GSTCD: variants seen among roughly 807,000 people sequenced by gnomAD.
GSTCD encodes glutathione S-transferase C-terminal domain containing.
Under a neutral mutation model 68.3 loss-of-function variants are expected in GSTCD, and 44 were observed. The ratio of observed to expected loss-of-function variants is 0.64; its 90% confidence interval spans 0.51 to 0.83. The LOEUF (loss-of-function observed/expected upper bound fraction) is 0.83, where lower values mean the gene tolerates loss of function less well. GSTCD is among the 40% of genes least tolerant of loss of function. The pLI is 0.00. For missense variants in GSTCD, 739 were observed against 735.9 expected (o/e 1.00, Z -0.05); for synonymous variants, 273 against 255.2 (o/e 1.07, Z -0.67).
chr4:105,829,439 T>C lies in GSTCD; in HGVS notation c.1530+3639T>C, dbSNP rs920472495. Among the ~76,000 whole-genome samples, 4 of 152,154 alleles carry C rather than the reference T, an allele frequency of 2.6e-5. No homozygotes were observed. In the South Asian group the frequency reaches 8.3e-4, roughly 32 times the overall value. On this transcript the variant is annotated intron_variant, in intron 8 of 11. Coordinates refer to ENST00000515279, the MANE Select transcript of GSTCD (RefSeq NM_001370181.1). Reference sequence around the variant, plus strand: ...GACATACCCAAGACTGGGTAATTTATAAAGAAAAGAGGTTTAATTGATTCA... The same window carrying C: ...GACATACCCAAGACTGGGTAATTTACAAAGAAAAGAGGTTTAATTGATTCA...
At position 105,780,539 on chromosome 4, in the gene GSTCD, T is replaced by C. The variant is rs182644894; in HGVS notation, c.1241-42415T>C. Among the ~76,000 whole-genome samples, 827 of 152,338 alleles carry C rather than the reference T, an allele frequency of 5.4e-3. 3 individuals are homozygous for C. Among genetic ancestry groups the C allele is most frequent in the Non-Finnish European group, 8.9e-3 (608 of 68,026 alleles). On this transcript the variant is annotated intron_variant, in intron 5 of 11. Coordinates refer to ENST00000515279, the MANE Select transcript of GSTCD (RefSeq NM_001370181.1). ...TGAACAGAATGAATGGATGAAATAT[T>C]TGAGCATGTCATTATGAGGATATCT...
intron 5 of GSTCD, among the ~76,000 whole-genome samples, chr4:105,782,929 A>G (rs956325222): frequency 6.6e-6 from 1 of 152,206 alleles, no homozygotes; most frequent in African/African-American, 2.4e-5. Context: ...TATTTTTAAA[A>G]ATAACTACCA....
At chr4:105,726,518 T>G (rs1578412477) in intron 3 of GSTCD, 61 bp from the exon 4 acceptor site, 1 of 1,097,358 alleles carries the variant, frequency 9.1e-7, no homozygotes, top group East Asian at 2.6e-5. Context: ...TAAAGTTACC[T>G]CAACACAGCT....
At chr4:105,757,011 A>G (rs1465148961) in intron 5 of GSTCD, among the ~76,000 whole-genome samples, 2 of 152,162 alleles carry the variant, frequency 1.3e-5, no homozygotes, top group Non-Finnish European at 2.9e-5. Context: ...ATTGCCTACA[A>G]AATTAATAAA....
At chr4:105,768,273 G>A (rs1578455210) in intron 5 of GSTCD, among the ~76,000 whole-genome samples, 2 of 151,928 alleles carry the variant, frequency 1.3e-5, no homozygotes, top group African/African-American at 2.4e-5. Context: ...CTCGTGATCC[G>A]CCCGCCTCAG....
chr4:105,729,481 G>T lies in GSTCD; in HGVS notation c.1222G>T (p.Ala408Ser), dbSNP rs757362297. ...WTLDWNVLPA[A>S]VSPKEGKMSS... is the part of the protein sequence containing the mutation. The stretch of plus-strand genomic sequence containing the variant: ...TCTTGATTGGAATGTTCTCCCTGCA[G>T]CAGTCAGCCCAAAGGAAGGTGAGTT... Residue 408 changes from alanine (A) to serine (S), a missense_variant, in exon 5 of 12, where the codon GCA becomes TCA. Physicochemically the swap from Ala to Ser is moderately conservative, Grantham distance 99. Transcript: ENST00000515279. 6.2e-7 allele frequency: 1 copy of T among 1,610,988 alleles called. No individual in the cohort carries two copies. Among genetic ancestry groups the T allele is most frequent in the Non-Finnish European group, 8.5e-7 (1 of 1,178,012 alleles).
intron 5 of GSTCD, among the ~76,000 whole-genome samples, chr4:105,745,094 G>C (rs186831693): frequency 6.6e-6 from 1 of 152,186 alleles, no homozygotes. Flanking sequence ...ATCTGTTTCT[G>C]CCTTTTCCAA....
chr4:105,803,583 T>TA (rs1006506564), intron 5 of GSTCD, among the ~76,000 whole-genome samples: 4 of 151,884 alleles, frequency 2.6e-5, no homozygotes, highest in African/African-American at 9.7e-5. Flanking sequence ...TTCAAAGTTG[T>TA]AAAAAATGTT....
At chr4:105,771,185 C>T (rs970498152) in intron 5 of GSTCD, among the ~76,000 whole-genome samples, 4 of 151,978 alleles carry the variant, frequency 2.6e-5, no homozygotes, top group African/African-American at 9.7e-5. Context: ...TGAGAACTGT[C>T]CGTGCATATA....
chr4:105,771,307 C>T (rs185833496), intron 5 of GSTCD, among the ~76,000 whole-genome samples: 250 of 152,094 alleles, frequency 1.6e-3, no homozygotes, highest in Non-Finnish European at 3.3e-3. Flanking sequence ...AATTTTCTCC[C>T]ATTCTGTAGG....
At position 105,717,647 on chromosome 4, in the gene GSTCD, G is replaced by T. The variant is rs766584771; in HGVS notation, c.34G>T (p.Glu12Ter). Residue 12 changes from glutamate to a stop codon, truncating the protein, a stop_gained, in exon 2 of 12, where the codon GAA becomes TAA. Coordinates refer to ENST00000515279, the MANE Select transcript of GSTCD (RefSeq NM_001370181.1). LOFTEE classifies it high-confidence loss of function. ...KAIKKSLTEE[E>*]YLYLDFSHQT... ...CATAAAGAAAAGTCTTACAGAAGAA[G>T]AATACCTGTACCTGGACTTTTCTCA... The T allele has an allele frequency of 9.5e-6, 15 of 1,586,500 alleles. No individual in the cohort carries two copies. In the South Asian group the frequency reaches 1.1e-4, roughly 11 times the overall value.
chr4:105,715,247 T>C (rs1313505946), intron 1 of GSTCD, among the ~76,000 whole-genome samples: 1 of 152,166 alleles, frequency 6.6e-6, no homozygotes. Context: ...TAAGGACTTA[T>C]AGCATAAAGG....
intron 3 of GSTCD, among the ~76,000 whole-genome samples, chr4:105,724,913 T>A (rs1732981121): frequency 6.6e-6 from 1 of 151,958 alleles, no homozygotes; most frequent in Admixed American, 6.6e-5. Flanking sequence ...CTATATGCAG[T>A]GTGTTAAGAA....
chr4:105,747,214 T>C (rs1733835621), intron 5 of GSTCD, among the ~76,000 whole-genome samples: 1 of 152,264 alleles, frequency 6.6e-6, no homozygotes, highest in Non-Finnish European at 1.5e-5. Context: ...ATGTCAGTAA[T>C]GCTCTCCTTT....
chr4:105,791,184 A>G (rs1030051548), intron 5 of GSTCD, among the ~76,000 whole-genome samples: 4 of 151,830 alleles, frequency 2.6e-5, no homozygotes, highest in Non-Finnish European at 4.4e-5. Context: ...ACGAGGTCAG[A>G]AGATCGAGAC....
intron 5 of GSTCD, among the ~76,000 whole-genome samples, chr4:105,812,627 A>G (rs937696986): frequency 9.2e-5 from 14 of 152,194 alleles, no homozygotes; most frequent in African/African-American, 3.4e-4. Context: ...CTCTGGGTAT[A>G]CAATAACCAT....
Position 105,847,682 on chromosome 4 carries a change from ATT to A in GSTCD, c.*2108_*2109del, listed in dbSNP as rs1724604682. 6.6e-6 allele frequency: 1 copy of A among 151,974 alleles called. No individual in the cohort carries two copies. The highest frequency in any genetic ancestry group is 2.4e-5 in the African/African-American group (1 of 41,394). The allele number at this position is 151,974 out of a possible 1,614,324, so 9.4% of individuals were successfully genotyped here. A position where few individuals can be genotyped will look rare whatever the true frequency, so the allele number is the denominator to read the frequency against. ...TTACCCTTTTACTTTAATGATTAAT[ATT>A]TTCTGTGTTCTTTCTAATAAATTTT... On this transcript the variant is annotated 3_prime_UTR_variant, in exon 12 of 12. Coordinates refer to ENST00000515279, the MANE Select transcript of GSTCD (RefSeq NM_001370181.1).
At chr4:105,795,348 ATAG>A (rs77515627) in intron 5 of GSTCD, among the ~76,000 whole-genome samples, 124,724 of 151,650 alleles carry the variant, frequency 0.82, 51,665 homozygotes, top group East Asian at 0.96. Context: ...TCATTTCTTA[ATAG>A]TAGTGCTTTT....
intron 5 of GSTCD, among the ~76,000 whole-genome samples, chr4:105,733,986 C>T (rs1421049014): frequency 6.6e-6 from 1 of 152,180 alleles, no homozygotes; most frequent in Non-Finnish European, 1.5e-5. Context: ...GTTGAAAATT[C>T]TTTTCTTTAA....
Sources: allele counts gnomAD v4.1 joint callset (sites outside exome capture counted in the v4.1 genomes callset), GRCh38; gene constraint gnomAD v4.1.1; transcripts MANE v1.5; gene names NCBI Gene and HGNC (gene_info 2026-07-23, HGNC 2026-07-21).